Variants in PI4KA observed in about 807,000 individuals in gnomAD.
The protein encoded by PI4KA is PI4-kinase alpha.
Under a neutral mutation model 271.4 loss-of-function variants are expected in PI4KA, and 122 were observed. That is an observed-to-expected ratio of 0.45 (90% CI 0.39 to 0.52). PI4KA has a LOEUF of 0.52. Ranked by LOEUF, PI4KA falls within the 20% of genes least tolerant of loss-of-function variation. The probability of loss-of-function intolerance (pLI) is 0.00; values close to 1 mark genes in which losing one functional copy is unlikely to be tolerated. For missense variants in PI4KA, 1,969 were observed against 2,769.1 expected, an observed-to-expected ratio of 0.71 and a Z score of 6.48; for synonymous variants, 1,041 against 1,078.8, an observed-to-expected ratio of 0.96 and a Z score of 0.69.
intron 2 of PI4KA, among the ~76,000 whole-genome samples, chr22:20,835,171 T>C (rs1400449758): frequency 1.3e-5 from 2 of 152,176 alleles, no homozygotes; most frequent in African/African-American, 4.8e-5. Flanking sequence ...TTTCCTCTTG[T>C]TCTTCTCAAG....
At chr22:20,795,665 G>A (rs1266260373) in intron 18 of PI4KA, among the ~76,000 whole-genome samples, 3 of 152,072 alleles carry the variant, frequency 2.0e-5, no homozygotes, top group South Asian at 2.1e-4. Flanking sequence ...CACCTGCCTC[G>A]GCCCCACCAT....
chr22:20,774,028 G>C (rs1300105755), intron 19 of PI4KA: 4 of 152,186 alleles, frequency 2.6e-5, no homozygotes, highest in African/African-American at 9.7e-5. Context: ...GTTTGGATTG[G>C]GACTTATTTA....
chr22:20,761,315 T>G lies in PI4KA; in HGVS notation c.2780A>C (p.Lys927Thr), dbSNP rs1267442934. ...FCYFEDKAIQ[K>T]DKSGMMQCVI... ...AATAATGAGCTTACCAGATTTGTCT[T>G]TCTGAATAGCTTTATCCTCAAAGTA... is the stretch of plus-strand genomic sequence containing the variant. Residue 927 changes from lysine to threonine, a missense_variant, in exon 23 of 55, where the codon AAA (lysine) becomes ACA (threonine). By Grantham distance (78) the Lys-to-Thr change is moderately conservative. This residue lies in a region of PI4KA where 368 missense variants were observed against 544.3 expected (regional missense o/e 0.68). Coordinates refer to ENST00000255882, the MANE Select transcript of PI4KA (RefSeq NM_058004.4). The G allele has an allele frequency of 1.2e-6, 2 of 1,602,694 alleles. No individual in the cohort carries two copies. Among genetic ancestry groups the G allele is most frequent in the Non-Finnish European group, 8.6e-7 (1 of 1,169,548 alleles).
intron 19 of PI4KA, chr22:20,779,159 T>C: frequency 5.8e-6 from 9 of 1,540,990 alleles, no homozygotes; most frequent in Non-Finnish European, 7.0e-6. Flanking sequence ...TTAAAGTCCA[T>C]GATCCTAAAA....
intron 36 of PI4KA, among the ~76,000 whole-genome samples, chr22:20,732,517 T>G (rs1469246924): frequency 6.6e-6 from 1 of 152,264 alleles, no homozygotes; most frequent in Non-Finnish European, 1.5e-5. Context: ...AAACCATCTC[T>G]GATTCCTCAA....
intron 36 of PI4KA, among the ~76,000 whole-genome samples, chr22:20,730,864 C>G (rs970840013): frequency 3.9e-5 from 6 of 152,020 alleles, no homozygotes; most frequent in Admixed American, 6.5e-5. Context: ...GTCACTACAC[C>G]TGGACTTCTT....
intron 1 of PI4KA, among the ~76,000 whole-genome samples, chr22:20,840,676 T>A (rs1457011767): frequency 1.3e-5 from 2 of 152,106 alleles, no homozygotes; most frequent in African/African-American, 4.8e-5. Flanking sequence ...GACTTGATGA[T>A]GGACAGGATA....
At chr22:20,759,466 C>T (rs1394434175) in intron 23 of PI4KA, among the ~76,000 whole-genome samples, 2 of 142,196 alleles carry the variant, frequency 1.4e-5, no homozygotes, top group South Asian at 2.3e-4. Context: ...TGCTGAGGCA[C>T]GATCTCGGCT....
Position 20,799,721 on chromosome 22 carries a change from C to T in PI4KA, c.1770G>A (p.Ala590=), listed in dbSNP as rs145500893. 59 of 1,553,070 alleles carry T rather than the reference C, an allele frequency of 3.8e-5. No homozygotes were observed. Among genetic ancestry groups the T allele is most frequent in the Middle Eastern group, 3.3e-4 (2 of 5,992 alleles). The stretch of plus-strand genomic sequence containing the variant: ...GCCGGTTGGACAGGCTGGCCAAGAA[C>T]GCCTCCACAATCACTGGGTCCACCG... The part of the protein sequence containing the change: ...GLTVDPVIVE[A]FLASLSNRLY... The change falls in exon 15 of 55, where the codon GCG becomes GCA. Residue 590 remains alanine (A), a synonymous_variant. Transcript: ENST00000255882.
At chr22:20,747,781 C>A in intron 28 of PI4KA, 79 bp from the exon 29 acceptor site, 3 of 1,440,776 alleles carry the variant, frequency 2.1e-6, no homozygotes, top group Non-Finnish European at 9.6e-7. Context: ...GTCACCCAGG[C>A]TGGAGTGTGG....
chr22:20,729,974 G>A lies in PI4KA; in HGVS notation c.4326C>T (p.Val1442=), dbSNP rs756638680. 55 of 1,614,016 alleles carry A rather than the reference G, an allele frequency of 3.4e-5. No individual in the cohort carries two copies. The highest frequency in any genetic ancestry group is 9.9e-5 in the South Asian group (9 of 91,078). Residue 1442 remains valine, a synonymous_variant, in exon 37 of 55, where the codon GTC becomes GTT. Coordinates refer to ENST00000255882, the MANE Select transcript of PI4KA (RefSeq NM_058004.4). The part of the protein sequence containing the change: ...QDTRSNLDIT[V]GSRQQATQGW... ...CTTGGGTGGCTTGTTGCCGAGAGCCGACAGTTATGTCCAGGTTGCTCCGGG... is the reference window on the plus strand; with the variant it reads ...CTTGGGTGGCTTGTTGCCGAGAGCCAACAGTTATGTCCAGGTTGCTCCGGG...
chr22:20,858,597 C>T lies in PI4KA; in HGVS notation c.129G>A (p.Ala43=), dbSNP rs1432522890. The T allele has an allele frequency of 6.1e-6, 9 of 1,471,274 alleles. No individual in the cohort carries two copies. Among genetic ancestry groups the T allele is most frequent in the Admixed American group, 2.3e-5 (1 of 43,320 alleles). 91.1% of individuals were successfully genotyped at this position (1,471,274 alleles called of 1,614,324 possible). The change falls in exon 1 of 55, where the codon GCG becomes GCA. Residue 43 remains alanine (A), a synonymous_variant. Coordinates refer to ENST00000255882, the MANE Select transcript of PI4KA (RefSeq NM_058004.4). ...NTVLSLARSL[A]VQRPASLEKV... Reference sequence around the variant, plus strand: ...TCTCCAAGGATGCTGGTCTCTGCACCGCCAGGGAGCGGGCCAGTGACAGGA... The same window carrying T: ...TCTCCAAGGATGCTGGTCTCTGCACTGCCAGGGAGCGGGCCAGTGACAGGA...
At chr22:20,776,737 G>T (rs1424941802) in intron 19 of PI4KA, among the ~76,000 whole-genome samples, 1 of 152,074 alleles carries the variant, frequency 6.6e-6, no homozygotes, top group African/African-American at 2.4e-5. Flanking sequence ...GTGACGAAAG[G>T]CTCAGTCTCC....
intron 1 of PI4KA, among the ~76,000 whole-genome samples, chr22:20,850,858 A>G (rs916523507): frequency 6.6e-6 from 1 of 152,024 alleles, no homozygotes; most frequent in Non-Finnish European, 1.5e-5. Flanking sequence ...TGGGCAAGAT[A>G]GTAAGACCCC....
At chr22:20,726,163 G>A (rs1927320950) in intron 42 of PI4KA, among the ~76,000 whole-genome samples, 2 of 152,118 alleles carry the variant, frequency 1.3e-5, no homozygotes, top group Non-Finnish European at 2.9e-5. Context: ...CACCACTTCC[G>A]GCTGAAGAGG....
At chr22:20,804,188 C>A in intron 12 of PI4KA, 112 bp downstream of exon 12, 1 of 731,204 alleles carries the variant, frequency 1.4e-6, no homozygotes, top group Non-Finnish European at 2.5e-6. Context: ...AAAGACAGAA[C>A]CGGCAGGGTC....
chr22:20,824,540 C>A, intron 3 of PI4KA, 126 bp from the exon 4 acceptor site: 1 of 624,786 alleles, frequency 1.6e-6, no homozygotes, highest in Non-Finnish European at 2.8e-6. Flanking sequence ...AGCAGCTGCC[C>A]TCCTTGAGAC....
chr22:20,850,935 C>T (rs1482641688), intron 1 of PI4KA, among the ~76,000 whole-genome samples: 1 of 151,980 alleles, frequency 6.6e-6, no homozygotes, highest in African/African-American at 2.4e-5. Flanking sequence ...GTCCCAACTA[C>T]TTGGGAGGCT....
intron 36 of PI4KA, 36 bp from the exon 37 acceptor site, chr22:20,730,047 T>C (rs1187338990): frequency 3.7e-6 from 6 of 1,606,674 alleles, no homozygotes; most frequent in Non-Finnish European, 5.1e-6. Flanking sequence ...TAGAGTGAGG[T>C]GGCTCAAGAA....
Sources: allele counts gnomAD v4.1 joint callset (sites outside exome capture counted in the v4.1 genomes callset), GRCh38; gene constraint gnomAD v4.1.1; regional missense constraint gnomAD v4.1.1; transcripts MANE v1.5; gene names NCBI Gene and HGNC (gene_info 2026-07-23, HGNC 2026-07-21).